Variants in ZNF254 observed in about 807,000 individuals in gnomAD.
ZNF254 encodes the protein zinc finger protein 254.
Under a neutral mutation model 12.4 loss-of-function variants are expected in ZNF254, and 10 were observed. The ratio of observed to expected loss-of-function variants is 0.80; its 90% CI spans 0.50 to 1.36. The LOEUF is 1.36. Ranked by LOEUF, ZNF254 falls within the 40% of genes most tolerant of loss-of-function variation. The pLI is 0.00. For synonymous variants in ZNF254, 305 were observed against 253.4 expected (o/e 1.20, Z -1.93); for missense variants, 996 against 763.9 (o/e 1.30, Z -3.58).
At chr19:24,091,887 T>G in intron 1 of ZNF254, 1 of 975,402 alleles carries the variant, frequency 1.0e-6, no homozygotes. Flanking sequence ...ATTAATTTTT[T>G]TTTTTTTTTT....
At chr19:24,067,546 G>C (rs556541279) in intron 2 of ZNF254, among the ~76,000 whole-genome samples, 1 of 152,024 alleles carries the variant, frequency 6.6e-6, no homozygotes, top group Admixed American at 6.6e-5. Flanking sequence ...TACGTTATCT[G>C]ACTCCTGTTT....
At chr19:24,046,375 A>ATATATATATG (rs1555750845) in intron 2 of ZNF254, 11 of 89,076 alleles carry the variant, frequency 1.2e-4, no homozygotes, top group Admixed American at 7.3e-4. Context: ...ATTATTTTTT[A>ATATATATATG]TATATATATA....
Position 24,052,427 on chromosome 19 carries a change from A to G in ZNF254, c.-94+6148A>G, listed in dbSNP as rs536328262. Among the ~76,000 whole-genome samples, 6 of 152,350 alleles carry G rather than the reference A, an allele frequency of 3.9e-5. No homozygotes were observed. The East Asian group carries it at 7.7e-4, about 20-fold the overall frequency. On this transcript the variant is annotated intron_variant, in intron 2 of 4. Transcript: ENST00000613065. ...GGAGGCTTCTGCCTGAGCCCAGCAC[A>G]TAAGTGACCTTGTGACATATCTTTG...
chr19:24,053,607 A>C (rs536410227), intron 2 of ZNF254, among the ~76,000 whole-genome samples: 2 of 152,120 alleles, frequency 1.3e-5, no homozygotes, highest in Admixed American at 1.3e-4. Flanking sequence ...TTTTCCTAAG[A>C]AGGGATTGTA....
At chr19:24,060,604 G>T (rs951773170) in intron 2 of ZNF254, among the ~76,000 whole-genome samples, 1 of 151,926 alleles carries the variant, frequency 6.6e-6, no homozygotes. Flanking sequence ...TGACTCTCCC[G>T]CCTGGTCCAT....
chr19:24,074,050 A>C (rs1395205645), intron 2 of ZNF254, among the ~76,000 whole-genome samples: 2 of 152,188 alleles, frequency 1.3e-5, no homozygotes, highest in Non-Finnish European at 2.9e-5. Context: ...GCATTGAGAC[A>C]TATGGCTGAG....
chr19:24,039,695 T>C (rs1254181924), intron 1 of ZNF254, among the ~76,000 whole-genome samples: 1 of 152,220 alleles, frequency 6.6e-6, no homozygotes, highest in African/African-American at 2.4e-5. Flanking sequence ...TCATGGACTC[T>C]ACTATTCAGG....
At chr19:24,055,449 T>C (rs1970815302) in intron 2 of ZNF254, among the ~76,000 whole-genome samples, 1 of 151,702 alleles carries the variant, frequency 6.6e-6, no homozygotes, top group African/African-American at 2.4e-5. Flanking sequence ...CGGCTAATTT[T>C]TGTACTTTTA....
chr19:24,087,961 G>A (rs1972133466), intron 1 of ZNF254, among the ~76,000 whole-genome samples: 1 of 146,546 alleles, frequency 6.8e-6, no homozygotes, highest in East Asian at 2.0e-4. Context: ...TTTTGCTCAG[G>A]CTGGAGTGCA....
At chr19:24,052,830 ACT>A (rs1267391176) in intron 2 of ZNF254, among the ~76,000 whole-genome samples, 1 of 152,102 alleles carries the variant, frequency 6.6e-6, no homozygotes, top group Non-Finnish European at 1.5e-5. Flanking sequence ...GGGCAATATG[ACT>A]CTCATACCTC....
chr19:24,114,239 A>G (rs1973892582), intron 3 of ZNF254, among the ~76,000 whole-genome samples: 1 of 152,000 alleles, frequency 6.6e-6, no homozygotes. Context: ...AAGCCAAAAG[A>G]ACAAAGCTGG....
At chr19:24,118,021 C>T (rs1455704120) in intron 3 of ZNF254, among the ~76,000 whole-genome samples, 2 of 151,250 alleles carry the variant, frequency 1.3e-5, no homozygotes, top group Non-Finnish European at 2.9e-5. Flanking sequence ...CCTTGTTTTC[C>T]ACCAACGATG....
rs138348220 is a variant in ZNF254, at chr19:24,114,178, T to A, written c.253+7535T>A. 7.8e-3 allele frequency among the ~76,000 whole-genome samples: 1,182 copies of A among 152,286 alleles called. 8 individuals are homozygous for A. The highest frequency in any genetic ancestry group is 0.014 in the Admixed American group (210 of 15,288). On this transcript the variant is annotated intron_variant, in intron 3 of 3. Transcript: ENST00000357002. Reference sequence around the variant, plus strand: ...TCTTCAGAGAATTGGAAAAAACTACTTTAAAGTTCACATGGAACCAAAAAA... The same window carrying A: ...TCTTCAGAGAATTGGAAAAAACTACATTAAAGTTCACATGGAACCAAAAAA...
chr19:24,096,377 T>G (rs893571720), intron 1 of ZNF254, among the ~76,000 whole-genome samples: 6 of 152,090 alleles, frequency 3.9e-5, no homozygotes, highest in African/African-American at 1.4e-4. Context: ...TTGTTCTTAT[T>G]TGTTTAAAAT....
intron 3 of ZNF254, among the ~76,000 whole-genome samples, chr19:24,122,209 G>A (rs1390876991): frequency 6.6e-6 from 1 of 152,020 alleles, no homozygotes; most frequent in African/African-American, 2.4e-5. Flanking sequence ...AATACATACT[G>A]ACTACCACTT....
intron 3 of ZNF254, among the ~76,000 whole-genome samples, chr19:24,111,410 C>G (rs1973673645): frequency 6.6e-6 from 1 of 152,158 alleles, no homozygotes; most frequent in Non-Finnish European, 1.5e-5. Context: ...CCACAATAAA[C>G]ATACTTGTGC....
chr19:24,057,938 T>A (rs1400939161), intron 2 of ZNF254, among the ~76,000 whole-genome samples: 1 of 152,200 alleles, frequency 6.6e-6, no homozygotes, highest in Non-Finnish European at 1.5e-5. Flanking sequence ...CAGGTGCAGT[T>A]TTGACACACT....
intron 3 of ZNF254, chr19:24,107,248 C>T (rs992486871): frequency 4.6e-6 from 3 of 648,942 alleles, no homozygotes; most frequent in Non-Finnish European, 8.3e-6. Context: ...AAGAAAAACA[C>T]TGGAATTTTG....
At chr19:24,117,500 G>C (rs1974171100) in intron 3 of ZNF254, among the ~76,000 whole-genome samples, 1 of 152,208 alleles carries the variant, frequency 6.6e-6, no homozygotes, top group African/African-American at 2.4e-5. Flanking sequence ...CTCCGAGCCA[G>C]GTGCAGGATA....
Sources: gnomAD v4.1 joint callset for allele counts (sites outside exome capture counted in the v4.1 genomes callset) on GRCh38, gnomAD v4.1.1 for gene constraint, MANE v1.5 for transcripts, NCBI Gene and HGNC (gene_info 2026-07-23, HGNC 2026-07-21) for gene names.